CADM2: variants seen among roughly 807,000 people sequenced by gnomAD.
CADM2 encodes cell adhesion molecule 2, also known as immunoglobulin superfamily member 4D.
Under a neutral mutation model 49.8 loss-of-function variants are expected in CADM2, and 12 were observed. That is an observed-to-expected ratio of 0.24 (90% CI 0.15 to 0.39). The LOEUF is 0.39. CADM2 is among the 10% of genes least tolerant of loss of function. CADM2 has a pLI of 1.00. For synonymous variants in CADM2, 214 were observed against 175.4 expected (o/e 1.22, Z -1.74); for missense variants, 378 against 492.3 (o/e 0.77, Z 2.20).
At chr3:85,657,370 G>A (rs1418716233) in intron 1 of CADM2, among the ~76,000 whole-genome samples, 1 of 151,968 alleles carries the variant, frequency 6.6e-6, no homozygotes, top group Non-Finnish European at 1.5e-5. Context: ...AGAGGCCATG[G>A]CATATTCTTA....
At chr3:85,429,806 A>G (rs2036583650) in intron 1 of CADM2, among the ~76,000 whole-genome samples, 1 of 152,172 alleles carries the variant, frequency 6.6e-6, no homozygotes, top group African/African-American at 2.4e-5. Context: ...CTATTTGTGT[A>G]TGTGTTGAGA....
chr3:85,023,470 A>G (rs2034594367), intron 1 of CADM2, among the ~76,000 whole-genome samples: 1 of 151,912 alleles, frequency 6.6e-6, no homozygotes, highest in Non-Finnish European at 1.5e-5. Context: ...CTGCTCTATC[A>G]GTTTTCCCAG....
intron 1 of CADM2, among the ~76,000 whole-genome samples, chr3:85,605,914 C>G (rs571311708): frequency 2.5e-4 from 38 of 152,128 alleles, no homozygotes; most frequent in South Asian, 1.7e-3. Context: ...CTCATGGCCA[C>G]AGTATGAGTC....
At chr3:85,917,335 A>T (rs1160055962) in intron 6 of CADM2, among the ~76,000 whole-genome samples, 4 of 152,074 alleles carry the variant, frequency 2.6e-5, no homozygotes, top group Admixed American at 2.6e-4. Flanking sequence ...ATCTTGAATT[A>T]ATTTTTGTAT....
In CADM2 at chr3:85,839,248, T is replaced by G. The variant is rs950358156; in HGVS notation, c.238+37052T>G. On this transcript the variant is annotated intron_variant, in intron 3 of 9. Transcript: ENST00000383699. ...CTCCGATTTTTTTCCCTTGCTTTAC[T>G]GGCAAGGTCAACCCTCATTTTAGTT... Among the ~76,000 whole-genome samples the G allele has an allele frequency of 5.9e-5, 9 of 151,844 alleles. No homozygotes were observed. In the East Asian group the frequency reaches 1.2e-3, roughly 20 times the overall value.
rs146575563 is a variant in CADM2 at position 85,494,597 on chromosome 3, G to A, written c.62-231925G>A. ...TGAGGTTTGTATGTTTAAAAGGTAG[G>A]AAACTGAAAACAATATTAGACATGG... On this transcript the variant is annotated intron_variant, in intron 1 of 9. Coordinates refer to ENST00000383699, the MANE Select transcript of CADM2 (RefSeq NM_001167675.2). Among the ~76,000 whole-genome samples the A allele has an allele frequency of 6.0e-3, 914 of 152,172 alleles. 14 individuals are homozygous for A. Among genetic ancestry groups the A allele is most frequent in the African/African-American group, 0.021 (870 of 41,532 alleles).
chr3:85,407,798 C>A (rs996930915), intron 1 of CADM2, among the ~76,000 whole-genome samples: 1 of 151,918 alleles, frequency 6.6e-6, no homozygotes, highest in Non-Finnish European at 1.5e-5. Flanking sequence ...GCTTGGTCAA[C>A]ATAGTGAGAC....
chr3:85,447,940 C>T (rs933702323), intron 1 of CADM2, among the ~76,000 whole-genome samples: 4 of 152,058 alleles, frequency 2.6e-5, no homozygotes, highest in Admixed American at 2.6e-4. Flanking sequence ...ATCAGATATC[C>T]TGACCCTTTC....
chr3:85,367,184 G>A (rs769224598), intron 1 of CADM2, among the ~76,000 whole-genome samples: 9 of 151,780 alleles, frequency 5.9e-5, no homozygotes, highest in African/African-American at 1.2e-4. Flanking sequence ...CATGTTATTT[G>A]AAAAACCATT....
intron 1 of CADM2, among the ~76,000 whole-genome samples, chr3:85,406,478 C>A (rs2035383903): frequency 6.6e-6 from 1 of 152,008 alleles, no homozygotes; most frequent in Admixed American, 6.6e-5. Context: ...AACTCAAAAC[C>A]AAATTTAATA....
chr3:85,413,138 C>CAAAAAAA lies in CADM2; in HGVS notation c.62-313365_62-313359dup, dbSNP rs397973777. Among the ~76,000 whole-genome samples, 34 of 17,092 alleles carry CAAAAAAA rather than the reference C, an allele frequency of 2.0e-3. 3 individuals are homozygous for CAAAAAAA. Among genetic ancestry groups the CAAAAAAA allele is most frequent in the African/African-American group, 4.3e-3 (26 of 6,050 alleles). The allele number at this position is 17,092 out of a possible 152,430, so 11.2% of individuals were successfully genotyped here. ...CCTGGGCGACAGCAAGACTCCGTCT[C>CAAAAAAA]AAAAAAAAAAAAAAAAAAAAAAAAA... On this transcript the variant is annotated intron_variant, in intron 1 of 9. Coordinates refer to ENST00000383699, the MANE Select transcript of CADM2 (RefSeq NM_001167675.2).
intron 1 of CADM2, among the ~76,000 whole-genome samples, chr3:85,596,385 T>C (rs995574646): frequency 1.3e-5 from 2 of 152,050 alleles, no homozygotes; most frequent in Non-Finnish European, 2.9e-5. Flanking sequence ...TGAATACTTT[T>C]AAGGAAATGT....
At chr3:85,029,286 C>T (rs942205003) in intron 1 of CADM2, among the ~76,000 whole-genome samples, 3 of 152,116 alleles carry the variant, frequency 2.0e-5, no homozygotes, top group Admixed American at 6.6e-5. Context: ...GTATCATGGA[C>T]ATTTATGAGC....
chr3:85,364,682 C>T (rs916566024), intron 1 of CADM2, among the ~76,000 whole-genome samples: 3 of 152,144 alleles, frequency 2.0e-5, no homozygotes, highest in African/African-American at 4.8e-5. Flanking sequence ...AGCCCCCAAT[C>T]TTTGTAATAC....
intron 1 of CADM2, among the ~76,000 whole-genome samples, chr3:85,553,398 G>A (rs2061866862): frequency 6.6e-6 from 1 of 152,050 alleles, no homozygotes. Context: ...ATACATAATT[G>A]CTAACTTCTA....
intron 1 of CADM2, among the ~76,000 whole-genome samples, chr3:85,427,759 C>T (rs1017499093): frequency 3.9e-5 from 6 of 152,080 alleles, no homozygotes; most frequent in Admixed American, 6.6e-5. Flanking sequence ...ATTTTGAATC[C>T]GTTTAAATCT....
chr3:84,981,202 G>C (rs1035372800), intron 1 of CADM2, among the ~76,000 whole-genome samples: 4 of 137,772 alleles, frequency 2.9e-5, no homozygotes, highest in Admixed American at 2.5e-4. Context: ...TGTTCAATTC[G>C]CACCTATGAG....
intron 1 of CADM2, among the ~76,000 whole-genome samples, chr3:85,003,516 T>C (rs912424444): frequency 6.6e-5 from 10 of 152,168 alleles, no homozygotes; most frequent in Non-Finnish European, 1.2e-4. Context: ...TGGAATCTAT[T>C]TTTGGAAGCA....
chr3:85,285,076 C>T (rs187243081), intron 1 of CADM2, among the ~76,000 whole-genome samples: 14 of 151,984 alleles, frequency 9.2e-5, no homozygotes, highest in Non-Finnish European at 8.8e-5. Context: ...TGCTGATGTC[C>T]GAAGATGGGA....
Sources: allele counts gnomAD v4.1 joint callset (sites outside exome capture counted in the v4.1 genomes callset), GRCh38; gene constraint gnomAD v4.1.1; transcripts MANE v1.5; gene names NCBI Gene and HGNC (gene_info 2026-07-23, HGNC 2026-07-21).